The following SPTAN1 variants were observed in gnomAD, a reference collection of about 807,000 sequenced individuals.
The protein encoded by SPTAN1 is spectrin alpha chain, non-erythrocytic 1.
SPTAN1 carries 61 observed loss-of-function variants against 331.3 expected under a neutral mutation model. The observed-to-expected ratio is 0.18, with a 90% CI of 0.15 to 0.23. The LOEUF (loss-of-function observed/expected upper bound fraction) is 0.23. SPTAN1 is among the 10% of genes least tolerant of loss of function. SPTAN1 has a pLI of 1.00. For synonymous variants in SPTAN1, 1,153 were observed against 1,173.9 expected (o/e 0.98, Z 0.36); for missense variants, 2,043 against 3,147.9 (o/e 0.65, Z 8.40).
At chr9:128,565,668 C>T (rs1258707403) in intron 1 of SPTAN1, among the ~76,000 whole-genome samples, 2 of 152,232 alleles carry the variant, frequency 1.3e-5, no homozygotes, top group African/African-American at 4.8e-5. Context: ...TGACAGGTTT[C>T]ATTCCTAACT....
chr9:128,590,670 T>C (rs1853364238), intron 21 of SPTAN1, among the ~76,000 whole-genome samples: 1 of 150,932 alleles, frequency 6.6e-6, no homozygotes, highest in African/African-American at 2.4e-5. Flanking sequence ...GCCAACATGG[T>C]GAAACCCCGT....
At chr9:128,567,399 C>G (rs1272205566) in intron 2 of SPTAN1, among the ~76,000 whole-genome samples, 1 of 152,220 alleles carries the variant, frequency 6.6e-6, no homozygotes, top group African/African-American at 2.4e-5. Flanking sequence ...TCGAGTGATT[C>G]TCCAGCCTCA....
rs1265490171 is a variant in SPTAN1 at position 128,605,463 on chromosome 9, C to T, written c.4032C>T (p.Phe1344=). 1 of 1,614,132 alleles carries T rather than the reference C, an allele frequency of 6.2e-7. No individual in the cohort carries two copies. Among genetic ancestry groups the T allele is most frequent in the East Asian group, 2.2e-5 (1 of 44,874 alleles). ...GTGACTCCCACGACCTGCAGCGCTT[C>T]CTTAGCGATTTCCGGTACGGAGCCA... ...KLGDSHDLQR[F]LSDFRDLMSW... is the part of the protein sequence containing the mutation. The change falls in exon 31 of 57, where the codon TTC becomes TTT. Residue 1344 remains phenylalanine (F), a synonymous_variant. Transcript: ENST00000372739.
intron 31 of SPTAN1, among the ~76,000 whole-genome samples, chr9:128,606,684 C>T (rs914810120): frequency 4.0e-5 from 6 of 151,862 alleles, no homozygotes; most frequent in Admixed American, 2.0e-4. Context: ...CGGGGTTTCT[C>T]CATGTTGGTC....
At position 128,617,948 on chromosome 9, in the gene SPTAN1, G is replaced by T. The variant is rs183144590; in HGVS notation, c.5479-39G>T. 1.6e-4 allele frequency: 256 copies of T among 1,614,100 alleles called. 1 individual carries two copies. Among genetic ancestry groups the T allele is most frequent in the Non-Finnish European group, 1.9e-4 (229 of 1,180,034 alleles). Reference sequence around the variant, plus strand: ...GAGCTTCGAGACAGAAGCACCAGAAGAGCTACCTGCTGTTAACCTCCTCGT... The same window carrying T: ...GAGCTTCGAGACAGAAGCACCAGAATAGCTACCTGCTGTTAACCTCCTCGT... On this transcript the variant is annotated intron_variant, in intron 42 of 56. Coordinates refer to ENST00000372739, the MANE Select transcript of SPTAN1 (RefSeq NM_001130438.3).
At chr9:128,611,181 A>AT (rs562433894) in intron 37 of SPTAN1, among the ~76,000 whole-genome samples, 74 of 152,282 alleles carry the variant, frequency 4.9e-4, no homozygotes, top group African/African-American at 1.7e-3. Flanking sequence ...GCAAGAATTG[A>AT]TTTTTTGGCC....
chr9:128,605,003 A>G lies in SPTAN1; in HGVS notation c.3720-31A>G, dbSNP rs202041478. ...TGTAATCAAGGCAGTTGTACTTGGC[A>G]TTTCTTAACCTGAATGTGTCTCGCC... On this transcript the variant is annotated intron_variant, in intron 29 of 56. Coordinates refer to ENST00000372739, the MANE Select transcript of SPTAN1 (RefSeq NM_001130438.3). The G allele has an allele frequency of 7.6e-5, 123 of 1,613,876 alleles. 1 individual carries two copies. The East Asian group carries it at 1.0e-3, about 13-fold the overall frequency.
intron 18 of SPTAN1, among the ~76,000 whole-genome samples, 160 bp downstream of exon 18, chr9:128,585,003 G>A (rs1314160662): frequency 6.7e-6 from 1 of 150,312 alleles, no homozygotes; most frequent in African/African-American, 2.5e-5. Flanking sequence ...TACCCTTTCT[G>A]AGCCTGAATT....
At chr9:128,628,090 T>C (rs2132000312) in intron 51 of SPTAN1, 148 bp downstream of exon 51, 2 of 984,556 alleles carry the variant, frequency 2.0e-6, no homozygotes, top group Non-Finnish European at 3.3e-6. Flanking sequence ...CGTCACCTGA[T>C]GAGGAGTGTG....
At chr9:128,607,210 C>T (rs1313276438) in intron 31 of SPTAN1, among the ~76,000 whole-genome samples, 1 of 151,736 alleles carries the variant, frequency 6.6e-6, no homozygotes, top group Non-Finnish European at 1.5e-5. Context: ...CACCACATTG[C>T]CCAAACTGAT....
In SPTAN1 at chr9:128,627,152, G is replaced by T; in HGVS notation, c.6577-234G>T. On this transcript the variant is annotated intron_variant, in intron 49 of 56. Coordinates refer to ENST00000372739, the MANE Select transcript of SPTAN1 (RefSeq NM_001130438.3). This position sits in a 1 kb window ranked among gnomAD's most constrained non-coding sequence, Gnocchi z 4.9. ...CTGACAGTCCAGCAACTCCCTGCTT[G>T]ACTGACCAGTCGCTTCCCTCCAGGT... 1 of 627,620 alleles carries T rather than the reference G, an allele frequency of 1.6e-6. No individual in the cohort carries two copies. The allele number at this position is 627,620 out of a possible 1,614,324, so 38.9% of individuals were successfully genotyped here.
intron 45 of SPTAN1, among the ~76,000 whole-genome samples, chr9:128,623,325 T>C (rs1301949418): frequency 6.6e-6 from 1 of 151,960 alleles, no homozygotes; most frequent in East Asian, 1.9e-4. Context: ...TTCTCTCGCC[T>C]TGTGCTGAAA....
rs772382171 is a variant in SPTAN1 at position 128,617,715 on chromosome 9, C to G, written c.5433C>G (p.His1811Gln). Residue 1811 changes from histidine to glutamine, a missense_variant, in exon 42 of 57, where the codon CAC becomes CAG. His to Gln is a conservative substitution (Grantham distance 24). This residue lies in a region of SPTAN1 where 323 missense variants were observed against 581.1 expected (regional missense o/e 0.56). Transcript: ENST00000372739. Reference sequence around the variant, plus strand: ...GCGTGCAGAACCTGAGGAAGAAGCACAAGCGGCTGGAAGCAGAACTGGCTG... The same window carrying G: ...GCGTGCAGAACCTGAGGAAGAAGCAGAAGCGGCTGGAAGCAGAACTGGCTG... ...LTGVQNLRKK[H>Q]KRLEAELAAH... 8 of 1,614,022 alleles carry G rather than the reference C, an allele frequency of 5.0e-6. No homozygotes were observed. The Admixed American group carries it at 8.3e-5, about 17-fold the overall frequency.
chr9:128,571,395 G>C (rs1020594452), intron 3 of SPTAN1, among the ~76,000 whole-genome samples: 1 of 152,000 alleles, frequency 6.6e-6, no homozygotes, highest in African/African-American at 2.4e-5. Flanking sequence ...GACCAGCCTG[G>C]CTAACATGGT....
intron 3 of SPTAN1, among the ~76,000 whole-genome samples, chr9:128,572,477 C>CT (rs59648185): frequency 0.97 from 147,988 of 152,286 alleles, 72,063 homozygotes; most frequent in East Asian, 1. Flanking sequence ...TGCCCTAGTT[C>CT]TTTCTTGAGG....
chr9:128,592,067 G>A (rs1216473580), intron 22 of SPTAN1, among the ~76,000 whole-genome samples: 1 of 152,076 alleles, frequency 6.6e-6, no homozygotes, highest in African/African-American at 2.4e-5. Flanking sequence ...ATATTGCCCT[G>A]TGTCCCTCCT....
chr9:128,594,517 G>A, intron 24 of SPTAN1, 144 bp downstream of exon 24: 1 of 771,778 alleles, frequency 1.3e-6, no homozygotes, highest in South Asian at 1.7e-5. Context: ...TGCAACCTCT[G>A]CCTCCTGGGT....
intron 51 of SPTAN1, 105 bp from the exon 52 acceptor site, chr9:128,630,216 A>G: frequency 7.9e-7 from 1 of 1,262,178 alleles, no homozygotes; most frequent in South Asian, 1.2e-5. Flanking sequence ...TTTCCTTAAA[A>G]GGAATGTGAG....
intron 1 of SPTAN1, among the ~76,000 whole-genome samples, chr9:128,562,722 T>C (rs990660066): frequency 6.6e-6 from 1 of 151,518 alleles, no homozygotes; most frequent in Non-Finnish European, 1.5e-5. Context: ...TACAAAACTT[T>C]GGGAGGCCAA....
Sources: gnomAD v4.1 joint callset for allele counts (sites outside exome capture counted in the v4.1 genomes callset) on GRCh38, gnomAD v4.1.1 for gene constraint, gnomAD v4.1.1 regional missense constraint, Gnocchi (gnomAD v3.1) non-coding constraint, MANE v1.5 for transcripts, NCBI Gene and HGNC (gene_info 2026-07-23, HGNC 2026-07-21) for gene names.